SDK1: variants seen among roughly 807,000 people sequenced by gnomAD.
SDK1 encodes the protein protein sidekick-1.
In SDK1, 157 loss-of-function variants were observed where a neutral mutation model predicts 245.5. The ratio of observed to expected loss-of-function variants is 0.64; its 90% confidence interval spans 0.56 to 0.73. The LOEUF (loss-of-function observed/expected upper bound fraction) is 0.73, where lower values mean the gene tolerates loss of function less well. Ranked by LOEUF, SDK1 falls within the 30% of genes least tolerant of loss-of-function variation. The pLI, the probability that SDK1 is intolerant of heterozygous loss-of-function variation, is 0.00. For missense variants in SDK1, 3,583 were observed against 3,002.3 expected (o/e 1.19, Z -4.52); for synonymous variants, 1,647 against 1,278.5 (o/e 1.29, Z -6.15).
intron 28 of SDK1, among the ~76,000 whole-genome samples, chr7:4,134,047 C>T (rs1186790031): frequency 6.6e-6 from 1 of 152,152 alleles, no homozygotes; most frequent in African/African-American, 2.4e-5. Context: ...GAAAGCTGCG[C>T]AATCAGATTT....
chr7:4,089,926 TCA>T (rs1401018348), intron 22 of SDK1, among the ~76,000 whole-genome samples: 6 of 152,204 alleles, frequency 3.9e-5, no homozygotes, highest in African/African-American at 1.4e-4. Flanking sequence ...TCCTGTGATC[TCA>T]GTTATTTCTT....
intron 1 of SDK1, among the ~76,000 whole-genome samples, chr7:3,600,512 G>T (rs34953429): frequency 6.9e-6 from 1 of 145,484 alleles, no homozygotes; most frequent in Admixed American, 6.8e-5. Context: ...CGGAAAAATC[G>T]TTTTGTCTTT....
chr7:3,936,518 G>A (rs1389592210), intron 5 of SDK1, among the ~76,000 whole-genome samples: 2 of 151,678 alleles, frequency 1.3e-5, no homozygotes, highest in African/African-American at 4.9e-5. Context: ...CCGTGAGGTG[G>A]AGGTTGCAAT....
intron 1 of SDK1, among the ~76,000 whole-genome samples, chr7:3,435,188 T>C (rs1388283451): frequency 1.3e-5 from 2 of 151,992 alleles, no homozygotes; most frequent in Admixed American, 1.3e-4. Flanking sequence ...AATCTTTTTC[T>C]CATTATTTAT....
intron 1 of SDK1, among the ~76,000 whole-genome samples, chr7:3,514,209 G>C (rs1782664767): frequency 6.6e-6 from 1 of 152,124 alleles, no homozygotes; most frequent in South Asian, 2.1e-4. Flanking sequence ...TCTCCAGTCT[G>C]ATTTTTGTGT....
chr7:3,389,231 G>A (rs1781684367), intron 1 of SDK1, among the ~76,000 whole-genome samples: 2 of 152,138 alleles, frequency 1.3e-5, no homozygotes, highest in South Asian at 4.1e-4. Flanking sequence ...GTTACCTTCA[G>A]TGATAAAATG....
intron 1 of SDK1, among the ~76,000 whole-genome samples, chr7:3,562,834 T>A (rs866560210): frequency 1.6e-5 from 2 of 123,916 alleles, no homozygotes; most frequent in East Asian, 2.3e-4. Context: ...TATAAAAGTT[T>A]CTATATAAAG....
chr7:3,723,909 CATATATATATACACGTATATATATAT>C (rs1778919368), intron 4 of SDK1, among the ~76,000 whole-genome samples: 1 of 118,550 alleles, frequency 8.4e-6, no homozygotes, highest in Non-Finnish European at 1.7e-5. Context: ...TATACACGTA[CATATATATATACACGTATATATATAT>C]ATATATATAG....
chr7:3,759,328 T>C (rs1456719606), intron 4 of SDK1, among the ~76,000 whole-genome samples: 1 of 152,136 alleles, frequency 6.6e-6, no homozygotes, highest in Non-Finnish European at 1.5e-5. Context: ...TATTGAATCA[T>C]AGAAACATTT....
At chr7:4,076,503 C>T (rs889257071) in intron 20 of SDK1, among the ~76,000 whole-genome samples, 3 of 152,192 alleles carry the variant, frequency 2.0e-5, no homozygotes, top group Middle Eastern at 3.2e-3. Context: ...CTGCAGTGAG[C>T]TATGATTGCA....
chr7:3,740,311 T>A (rs1779442400), intron 4 of SDK1, among the ~76,000 whole-genome samples: 1 of 152,206 alleles, frequency 6.6e-6, no homozygotes, highest in Non-Finnish European at 1.5e-5. Flanking sequence ...CTTCTGAATT[T>A]CCAGGAATAA....
chr7:4,064,492 A>G (rs981948612), intron 19 of SDK1, among the ~76,000 whole-genome samples: 3 of 152,200 alleles, frequency 2.0e-5, no homozygotes, highest in African/African-American at 7.2e-5. Context: ...TACAGCCACA[A>G]TGGAAAACAG....
At chr7:4,047,432 T>C (rs76101578) in intron 17 of SDK1, among the ~76,000 whole-genome samples, 2,213 of 152,298 alleles carry the variant, frequency 0.015, 44 homozygotes, top group African/African-American at 0.05. Context: ...TTTGTGTTCA[T>C]GATGGATATT....
intron 22 of SDK1, among the ~76,000 whole-genome samples, chr7:4,105,661 A>G (rs1235950303): frequency 6.6e-6 from 1 of 152,142 alleles, no homozygotes; most frequent in Non-Finnish European, 1.5e-5. Context: ...TGCTGGGGGT[A>G]CTCTGAAGAG....
intron 16 of SDK1, among the ~76,000 whole-genome samples, chr7:4,012,994 G>C (rs1023053953): frequency 3.3e-5 from 5 of 152,320 alleles, no homozygotes; most frequent in Admixed American, 6.5e-5. Context: ...TTGTCACCAT[G>C]CTGGTATGTT....
intron 35 of SDK1, among the ~76,000 whole-genome samples, chr7:4,182,018 CAA>C (rs1372584353): frequency 1.3e-5 from 2 of 152,180 alleles, no homozygotes. Flanking sequence ...CTCCCAGGTT[CAA>C]GCAATTCTCC....
chr7:3,489,529 C>T (rs554101869), intron 1 of SDK1, among the ~76,000 whole-genome samples: 1 of 152,036 alleles, frequency 6.6e-6, no homozygotes, highest in East Asian at 1.9e-4. Context: ...CTTTATTGTT[C>T]TTCCAGCACT....
At chr7:3,627,507 A>G (rs1468066054) in intron 2 of SDK1, among the ~76,000 whole-genome samples, 1 of 152,198 alleles carries the variant, frequency 6.6e-6, no homozygotes, top group African/African-American at 2.4e-5. Context: ...AGGAAGAGTC[A>G]CTGCATGTTT....
At chr7:3,518,376 G>A (rs532166383) in intron 1 of SDK1, among the ~76,000 whole-genome samples, 3 of 151,604 alleles carry the variant, frequency 2.0e-5, no homozygotes, top group Non-Finnish European at 4.4e-5. Flanking sequence ...CACAGCAAAG[G>A]AAACAACAGA....
Sources: gnomAD v4.1 joint callset for allele counts (sites outside exome capture counted in the v4.1 genomes callset) on GRCh38, gnomAD v4.1.1 for gene constraint, MANE v1.5 for transcripts, NCBI Gene and HGNC (gene_info 2026-07-23, HGNC 2026-07-21) for gene names.